Variants in CACNA2D3 observed in about 807,000 individuals in gnomAD.
The protein encoded by CACNA2D3 is voltage-dependent calcium channel subunit alpha-2/delta-3.
In CACNA2D3, 60 loss-of-function variants were observed where a neutral mutation model predicts 160.6. The observed-to-expected ratio is 0.37, with a 90% CI of 0.30 to 0.46. The LOEUF (loss-of-function observed/expected upper bound fraction) is 0.46, where lower values mean the gene tolerates loss of function less well. Among genes scored for constraint, CACNA2D3 ranks in the 20% least tolerant of loss-of-function variants. CACNA2D3 has a pLI of 1.00. For synonymous variants in CACNA2D3, 558 were observed against 492.9 expected (o/e 1.13, Z -1.75); for missense variants, 1,205 against 1,365.0 (o/e 0.88, Z 1.85).
intron 13 of CACNA2D3, among the ~76,000 whole-genome samples, chr3:54,794,563 T>C (rs1702828433): frequency 6.6e-6 from 1 of 152,080 alleles, no homozygotes; most frequent in South Asian, 2.1e-4. Context: ...CTTTAATTTT[T>C]CCTATAGTTC....
chr3:54,752,820 G>T, intron 12 of CACNA2D3, 143 bp downstream of exon 12: 1 of 549,652 alleles, frequency 1.8e-6, no homozygotes. Context: ...GACTTGTAAC[G>T]GTTTCTTCCA....
At chr3:54,550,935 T>C (rs1041750083) in intron 5 of CACNA2D3, among the ~76,000 whole-genome samples, 11 of 152,186 alleles carry the variant, frequency 7.2e-5, no homozygotes, top group Admixed American at 6.5e-5. Flanking sequence ...GCCACCCTTG[T>C]ACAGGTGCCC....
intron 2 of CACNA2D3, among the ~76,000 whole-genome samples, chr3:54,270,347 C>T (rs201301201): frequency 6.6e-6 from 1 of 152,178 alleles, no homozygotes; most frequent in Non-Finnish European, 1.5e-5. Context: ...TACTGTATAG[C>T]GAGTGTTGCA....
rs35673145 is a variant in CACNA2D3 at position 54,667,947 on chromosome 3, C to CA, written c.1167+25720dup. On this transcript the variant is annotated intron_variant, in intron 11 of 37. Transcript: ENST00000474759. ...GGGCGACAGAATGAGACCCCCATCT[C>CA]AAAAAAAAAAAAAAGTCAAAATAGA... 1.7e-4 allele frequency among the ~76,000 whole-genome samples: 24 copies of CA among 143,772 alleles called. No homozygotes were observed. In the South Asian group the frequency reaches 2.0e-3, roughly 12 times the overall value. 94.3% of individuals were successfully genotyped at this position (143,772 alleles called of 152,430 possible). A position where few individuals can be genotyped will look rare whatever the true frequency, so the allele number is the denominator to read the frequency against.
rs149259425 is a variant in CACNA2D3 at position 54,402,136 on chromosome 3, A to G, written c.381+15362A>G. 2.6e-3 allele frequency among the ~76,000 whole-genome samples: 389 copies of G among 152,322 alleles called. 4 individuals carry two copies. The highest frequency in any genetic ancestry group is 8.5e-3 in the African/African-American group (355 of 41,578). On this transcript the variant is annotated intron_variant, in intron 4 of 37. Coordinates refer to ENST00000474759, the MANE Select transcript of CACNA2D3 (RefSeq NM_018398.3). Reference sequence around the variant, plus strand: ...AGCAAAACCTATAGCATATATACCAATGATAAAGAGAAAAGAATAAAAACT... The same window carrying G: ...AGCAAAACCTATAGCATATATACCAGTGATAAAGAGAAAAGAATAAAAACT...
chr3:54,422,598 T>G (rs534256360), intron 4 of CACNA2D3, among the ~76,000 whole-genome samples: 1 of 152,258 alleles, frequency 6.6e-6, no homozygotes, highest in African/African-American at 2.4e-5. Context: ...ATGCTCAATC[T>G]CATTAGTAAT....
At chr3:54,392,278 T>C (rs1291898391) in intron 4 of CACNA2D3, among the ~76,000 whole-genome samples, 2 of 151,474 alleles carry the variant, frequency 1.3e-5, no homozygotes, top group Non-Finnish European at 2.9e-5. Flanking sequence ...CTCTTTCTTT[T>C]TGAGTTTTTC....
chr3:54,798,618 C>T (rs2106664758), intron 13 of CACNA2D3, among the ~76,000 whole-genome samples: 1 of 152,278 alleles, frequency 6.6e-6, no homozygotes, highest in South Asian at 2.1e-4. Flanking sequence ...TGAATTAGCT[C>T]CCACGTAATT....
intron 2 of CACNA2D3, among the ~76,000 whole-genome samples, chr3:54,286,532 C>T (rs1431908382): frequency 6.6e-6 from 1 of 152,172 alleles, no homozygotes; most frequent in Non-Finnish European, 1.5e-5. Flanking sequence ...AGAACTTCCT[C>T]AATCTAGCAA....
intron 10 of CACNA2D3, among the ~76,000 whole-genome samples, chr3:54,629,792 A>T (rs540189183): frequency 6.6e-6 from 1 of 152,220 alleles, no homozygotes; most frequent in East Asian, 1.9e-4. Flanking sequence ...CTCTCGTTTT[A>T]TCTCAAAAAC....
rs533533033 is a variant in CACNA2D3, at chr3:55,025,852, C to G, written c.2987+7535C>G. Among the ~76,000 whole-genome samples the G allele has an allele frequency of 3.9e-5, 6 of 152,042 alleles. No homozygotes were observed. In the South Asian group the frequency reaches 1.3e-3, roughly 32 times the overall value. On this transcript the variant is annotated intron_variant, in intron 35 of 37. Transcript: ENST00000474759. ...TTTCCAAGCTTTATTTCAAGACCAC[C>G]ACCTGGCAGGTCAGTCATACACTGC...
At chr3:54,806,043 A>G (rs1434469746) in intron 13 of CACNA2D3, among the ~76,000 whole-genome samples, 1 of 152,160 alleles carries the variant, frequency 6.6e-6, no homozygotes, top group African/African-American at 2.4e-5. Context: ...GGTATTGATG[A>G]GACATATCTC....
chr3:54,306,700 C>T (rs758825973), intron 2 of CACNA2D3, among the ~76,000 whole-genome samples: 3 of 152,136 alleles, frequency 2.0e-5, no homozygotes, highest in East Asian at 1.9e-4. Context: ...TCACACCTCA[C>T]GAGGGAGATC....
intron 9 of CACNA2D3, among the ~76,000 whole-genome samples, chr3:54,623,423 C>T (rs1442369451): frequency 6.6e-6 from 1 of 152,196 alleles, no homozygotes; most frequent in African/African-American, 2.4e-5. Context: ...AATTCATAGA[C>T]TAGACAGGTC....
At chr3:54,202,755 T>C (rs1701201893) in intron 2 of CACNA2D3, among the ~76,000 whole-genome samples, 1 of 152,186 alleles carries the variant, frequency 6.6e-6, no homozygotes, top group Non-Finnish European at 1.5e-5. Context: ...GAAGACCATA[T>C]ATGTCCCAGG....
chr3:54,943,865 C>T (rs78698388), intron 27 of CACNA2D3, among the ~76,000 whole-genome samples: 2,046 of 152,232 alleles, frequency 0.013, 43 homozygotes, highest in African/African-American at 0.046. Flanking sequence ...CTCCTAAACC[C>T]TCATGCCTTC....
intron 11 of CACNA2D3, among the ~76,000 whole-genome samples, chr3:54,728,938 C>G (rs1575444799): frequency 6.6e-6 from 1 of 152,192 alleles, no homozygotes; most frequent in East Asian, 1.9e-4. Context: ...TCTTAACTAA[C>G]ACATACATAA....
chr3:54,229,535 A>G (rs757645752), intron 2 of CACNA2D3, among the ~76,000 whole-genome samples: 1 of 151,752 alleles, frequency 6.6e-6, no homozygotes. Context: ...GGGTCTTGCC[A>G]TGTTGCCTAG....
chr3:54,894,764 A>G, intron 25 of CACNA2D3: 1 of 433,728 alleles, frequency 2.3e-6, no homozygotes, highest in Non-Finnish European at 4.7e-6. Context: ...GTCTAGCGAA[A>G]GAAATGAAAA....
Sources: gnomAD v4.1 joint callset for allele counts (sites outside exome capture counted in the v4.1 genomes callset) on GRCh38, gnomAD v4.1.1 for gene constraint, MANE v1.5 for transcripts, NCBI Gene and HGNC (gene_info 2026-07-23, HGNC 2026-07-21) for gene names.